The following AGBL4 variants were observed in gnomAD, a reference collection of about 807,000 sequenced individuals.
AGBL4 encodes the protein cytosolic carboxypeptidase 6.
Under a neutral mutation model 66.4 loss-of-function variants are expected in AGBL4, and 58 were observed. That is an observed-to-expected ratio of 0.87 (90% CI 0.71 to 1.09). The LOEUF is 1.09. Among genes scored for constraint, AGBL4 ranks in the 50% least tolerant of loss-of-function variants. AGBL4 has a pLI of 0.00. For missense variants in AGBL4, 579 were observed against 631.0 expected, an observed-to-expected ratio of 0.92 and a Z score of 0.88; for synonymous variants, 234 against 222.9, an observed-to-expected ratio of 1.05 and a Z score of -0.44.
At chr1:49,779,315 G>C (rs1226751555) in intron 2 of AGBL4, among the ~76,000 whole-genome samples, 1 of 152,092 alleles carries the variant, frequency 6.6e-6, no homozygotes, top group Non-Finnish European at 1.5e-5. Flanking sequence ...TAACAATCAA[G>C]GCTTTATTCA....
At chr1:49,131,945 G>C (rs545724871) in intron 4 of AGBL4, among the ~76,000 whole-genome samples, 1 of 152,116 alleles carries the variant, frequency 6.6e-6, no homozygotes, top group Non-Finnish European at 1.5e-5. Flanking sequence ...TGGTAATATA[G>C]GTCTGTATCT....
intron 8 of AGBL4, among the ~76,000 whole-genome samples, chr1:48,638,975 G>C (rs1419919109): frequency 6.6e-6 from 1 of 152,128 alleles, no homozygotes; most frequent in Non-Finnish European, 1.5e-5. Context: ...ACTCTAAAGG[G>C]CCCAGACTAG....
At chr1:49,639,526 T>C (rs1311389521) in intron 3 of AGBL4, among the ~76,000 whole-genome samples, 3 of 152,166 alleles carry the variant, frequency 2.0e-5, no homozygotes, top group Admixed American at 1.3e-4. Flanking sequence ...CAAGGCCATA[T>C]AGTTAATAAG....
intron 1 of AGBL4, among the ~76,000 whole-genome samples, chr1:50,002,580 A>G (rs1660844542): frequency 6.6e-6 from 1 of 151,626 alleles, no homozygotes; most frequent in South Asian, 2.1e-4. Flanking sequence ...CGTGTTAGCC[A>G]GGATGGTCTC....
intron 3 of AGBL4, among the ~76,000 whole-genome samples, chr1:49,285,642 A>C (rs1644386997): frequency 6.6e-6 from 1 of 152,196 alleles, no homozygotes; most frequent in African/African-American, 2.4e-5. Context: ...ATAAAGCAAA[A>C]AAAGAGAGAA....
chr1:48,996,839 C>CTTCCTTCCTTCCTTCCTTCCT lies in AGBL4; in HGVS notation c.594+48744_594+48745insAGGAAGGAAGGAAGGAAGGAA, dbSNP rs202198002. Among the ~76,000 whole-genome samples, 406 of 151,848 alleles carry CTTCCTTCCTTCCTTCCTTCCT rather than the reference C, an allele frequency of 2.7e-3. 3 individuals carry two copies. The highest frequency in any genetic ancestry group is 9.2e-3 in the African/African-American group (382 of 41,370). On this transcript the variant is annotated intron_variant, in intron 5 of 13. Coordinates refer to ENST00000371839, the MANE Select transcript of AGBL4 (RefSeq NM_032785.4). ...CCTCCCTTCCTTCCTTCCTTCCTTC[C>CTTCCTTCCTTCCTTCCTTCCT]TTCCTTCCTTCCTTCCTGTCTACTT... is the stretch of plus-strand genomic sequence containing the variant.
rs952775858 is a variant in AGBL4, at chr1:49,352,382, T to C, written c.283-106518A>G. ...GAATTGAAGCTTTTTTTTTTTTTTT[T>C]TTTTTTTGTGGAAAGGAACTACTAC... On this transcript the variant is annotated intron_variant, in intron 3 of 13. Coordinates refer to ENST00000371839, the MANE Select transcript of AGBL4 (RefSeq NM_032785.4). Among the ~76,000 whole-genome samples the C allele has an allele frequency of 7.7e-3, 1,160 of 149,834 alleles. 10 individuals carry two copies. Among genetic ancestry groups the C allele is most frequent in the Admixed American group, 9.7e-3 (145 of 15,006 alleles).
chr1:49,757,947 T>A (rs966916345), intron 2 of AGBL4, among the ~76,000 whole-genome samples: 1 of 152,182 alleles, frequency 6.6e-6, no homozygotes, highest in Non-Finnish European at 1.5e-5. Context: ...CCAGGGCATG[T>A]CAGAGACCTT....
chr1:49,565,596 G>A (rs542005021), intron 3 of AGBL4, among the ~76,000 whole-genome samples: 2 of 152,290 alleles, frequency 1.3e-5, no homozygotes, highest in Admixed American at 1.3e-4. Flanking sequence ...ATTCTGGGTT[G>A]AAAATTCTTT....
intron 3 of AGBL4, among the ~76,000 whole-genome samples, chr1:49,256,855 C>A (rs925714776): frequency 6.6e-6 from 1 of 152,084 alleles, no homozygotes; most frequent in Non-Finnish European, 1.5e-5. Context: ...AAAACAATAT[C>A]GTAGATCAGA....
chr1:49,423,620 G>A (rs1171415824), intron 3 of AGBL4, among the ~76,000 whole-genome samples: 2 of 151,884 alleles, frequency 1.3e-5, no homozygotes, highest in Non-Finnish European at 2.9e-5. Flanking sequence ...GACCAGCCTC[G>A]CCAACAGGAT....
intron 3 of AGBL4, 174 bp downstream of exon 3, chr1:49,697,137 CAA>C (rs1647000963): frequency 3.3e-6 from 2 of 608,292 alleles, no homozygotes; most frequent in Non-Finnish European, 5.2e-6. Context: ...CATCAGATAA[CAA>C]AAGTCAACAT....
At chr1:49,014,267 G>A (rs953414196) in intron 5 of AGBL4, among the ~76,000 whole-genome samples, 1 of 152,182 alleles carries the variant, frequency 6.6e-6, no homozygotes, top group African/African-American at 2.4e-5. Context: ...AGTTTTCTGA[G>A]AAAATTGGTG....
chr1:49,537,768 A>G (rs893610582), intron 3 of AGBL4, among the ~76,000 whole-genome samples: 20 of 152,308 alleles, frequency 1.3e-4, no homozygotes, highest in African/African-American at 4.6e-4. Context: ...TCTAAAAAAA[A>G]TACAAAACAT....
intron 4 of AGBL4, among the ~76,000 whole-genome samples, chr1:49,107,466 A>C (rs1645314104): frequency 6.6e-6 from 1 of 152,200 alleles, no homozygotes; most frequent in Non-Finnish European, 1.5e-5. Context: ...TATGGAGAAG[A>C]TGAAGCCCAA....
intron 3 of AGBL4, among the ~76,000 whole-genome samples, chr1:49,645,643 A>G (rs1645869936): frequency 6.6e-6 from 1 of 151,326 alleles, no homozygotes; most frequent in African/African-American, 2.4e-5. Context: ...CAAATTTATA[A>G]AATCTCTTTT....
intron 3 of AGBL4, among the ~76,000 whole-genome samples, chr1:49,274,882 T>C (rs1644137395): frequency 6.6e-6 from 1 of 152,168 alleles, no homozygotes; most frequent in Non-Finnish European, 1.5e-5. Flanking sequence ...GCTGATTCCT[T>C]TTATGTTTTG....
At chr1:49,300,697 G>A (rs538961696) in intron 3 of AGBL4, among the ~76,000 whole-genome samples, 1 of 152,262 alleles carries the variant, frequency 6.6e-6, no homozygotes, top group South Asian at 2.1e-4. Flanking sequence ...ATGGCAGTTT[G>A]TGCCCTAGAT....
In AGBL4 at chr1:49,590,550, C is replaced by T. The variant is rs529952845; in HGVS notation, c.282+106763G>A. Among the ~76,000 whole-genome samples the T allele has an allele frequency of 2.0e-4, 31 of 152,096 alleles. No individual in the cohort carries two copies. In the South Asian group the frequency reaches 5.6e-3, roughly 28 times the overall value. On this transcript the variant is annotated intron_variant, in intron 3 of 13. Transcript: ENST00000371839. ...TAGAAAACATCAGCAAAGTTATTCT[C>T]TACTTCTCTTAATACATTTCTATAT...
Sources: allele counts gnomAD v4.1 joint callset (sites outside exome capture counted in the v4.1 genomes callset), GRCh38; gene constraint gnomAD v4.1.1; transcripts MANE v1.5; gene names NCBI Gene and HGNC (gene_info 2026-07-23, HGNC 2026-07-21).